SGCZ: variants seen among roughly 807,000 people sequenced by gnomAD.
The protein encoded by SGCZ is zeta-sarcoglycan.
A neutral mutation model predicts 41.3 loss-of-function variants in SGCZ; 40 were observed. That is an observed-to-expected ratio of 0.97 (90% CI 0.75 to 1.26). The LOEUF is 1.26. SGCZ is among the 50% of genes most tolerant of loss of function. The pLI is 0.00. For missense variants in SGCZ, 552 were observed against 369.8 expected (o/e 1.49, Z -4.04); for synonymous variants, 206 against 137.5 (o/e 1.50, Z -3.49).
intron 2 of SGCZ, among the ~76,000 whole-genome samples, chr8:14,412,161 T>C (rs1799378007): frequency 6.6e-6 from 1 of 152,106 alleles, no homozygotes; most frequent in African/African-American, 2.4e-5. Flanking sequence ...AATAGTAATG[T>C]AAAGATAACT....
At chr8:14,188,864 T>A (rs1286444555) in intron 4 of SGCZ, among the ~76,000 whole-genome samples, 18 of 149,484 alleles carry the variant, frequency 1.2e-4, no homozygotes, top group Non-Finnish European at 2.5e-4. Context: ...GGAGTTTCGC[T>A]CTTGTTGCCC....
At chr8:14,695,645 T>A (rs148439948) in intron 1 of SGCZ, among the ~76,000 whole-genome samples, 1 of 152,048 alleles carries the variant, frequency 6.6e-6, no homozygotes, top group Non-Finnish European at 1.5e-5. Context: ...GGTGTGGAAC[T>A]ATAAAACCTA....
At chr8:14,994,585 CAAAAA>C (rs72144514) in intron 1 of SGCZ, among the ~76,000 whole-genome samples, 1 of 127,676 alleles carries the variant, frequency 7.8e-6, no homozygotes, top group Admixed American at 8.2e-5. Flanking sequence ...ACTGTGCATC[CAAAAA>C]AAAAAAAAAG....
At chr8:14,698,993 C>A (rs1320032134) in intron 1 of SGCZ, among the ~76,000 whole-genome samples, 1 of 151,684 alleles carries the variant, frequency 6.6e-6, no homozygotes, top group Non-Finnish European at 1.5e-5. Flanking sequence ...CGGTAATAAA[C>A]TATGATAAAA....
intron 2 of SGCZ, among the ~76,000 whole-genome samples, chr8:14,350,446 G>A (rs1803047769): frequency 6.6e-6 from 1 of 152,102 alleles, no homozygotes; most frequent in South Asian, 2.1e-4. Flanking sequence ...TGCTACTGAA[G>A]CATTCATTTC....
At chr8:14,574,915 C>A (rs188486297) in intron 1 of SGCZ, among the ~76,000 whole-genome samples, 1 of 152,152 alleles carries the variant, frequency 6.6e-6, no homozygotes, top group Admixed American at 6.5e-5. Flanking sequence ...AAAATAACTT[C>A]TTGAAAGTGA....
At chr8:14,262,706 C>T (rs141919685) in intron 3 of SGCZ, among the ~76,000 whole-genome samples, 30 of 150,448 alleles carry the variant, frequency 2.0e-4, no homozygotes, top group African/African-American at 7.3e-4. Flanking sequence ...ATAAATAATA[C>T]AAAAATCATC....
At chr8:14,744,454 A>C (rs1202734464) in intron 1 of SGCZ, among the ~76,000 whole-genome samples, 2 of 152,100 alleles carry the variant, frequency 1.3e-5, no homozygotes, top group East Asian at 1.9e-4. Flanking sequence ...TGTCATTTGG[A>C]GAAATGCATC....
At chr8:14,596,814 G>A (rs185881755) in intron 1 of SGCZ, among the ~76,000 whole-genome samples, 1 of 152,046 alleles carries the variant, frequency 6.6e-6, no homozygotes, top group Admixed American at 6.6e-5. Flanking sequence ...TTTTGCACAT[G>A]TATCCTGGAA....
chr8:14,120,448 C>T (rs1044720369), intron 5 of SGCZ, among the ~76,000 whole-genome samples: 1 of 152,044 alleles, frequency 6.6e-6, no homozygotes, highest in Non-Finnish European at 1.5e-5. Context: ...CATTTAGGAA[C>T]AGGGATATTT....
At chr8:14,554,623 A>G in intron 2 of SGCZ, 109 bp downstream of exon 2, 1 of 899,420 alleles carries the variant, frequency 1.1e-6, no homozygotes, top group Non-Finnish European at 1.6e-6. Flanking sequence ...TTAAAAACAC[A>G]CACTTGTAAA....
intron 1 of SGCZ, among the ~76,000 whole-genome samples, chr8:14,965,619 ATT>A (rs939613523): frequency 6.6e-6 from 1 of 152,210 alleles, no homozygotes; most frequent in Non-Finnish European, 1.5e-5. Context: ...AATTTAAAGC[ATT>A]ACAGTCTTAA....
chr8:14,237,504 ACAACG>A (rs1806806639), intron 4 of SGCZ, 83 bp downstream of exon 4: 163 of 1,231,916 alleles, frequency 1.3e-4, no homozygotes, highest in Non-Finnish European at 1.8e-4. Context: ...AACAACAACA[ACAACG>A]ACAACAACAA....
chr8:15,170,120 GTAAT>G lies in SGCZ; in HGVS notation c.39+67461_39+67464del, dbSNP rs1457045500. Among the ~76,000 whole-genome samples, 4 of 140,106 alleles carry G rather than the reference GTAAT, an allele frequency of 2.9e-5. No homozygotes were observed. The East Asian group carries it at 8.7e-4, about 30-fold the overall frequency. 91.9% of individuals were successfully genotyped at this position (140,106 alleles called of 152,430 possible). A position where few individuals can be genotyped will look rare whatever the true frequency, so the allele number is the denominator to read the frequency against. On this transcript the variant is annotated intron_variant, in intron 1 of 7. Transcript: ENST00000382080. The stretch of plus-strand genomic sequence containing the variant: ...TTTCTGTCAATATGATAGATGATCA[GTAAT>G]TAAATTTTTTTCCATGTGCAGACTG...
At chr8:14,643,719 A>G (rs1807108890) in intron 1 of SGCZ, among the ~76,000 whole-genome samples, 1 of 151,766 alleles carries the variant, frequency 6.6e-6, no homozygotes. Context: ...GCTTGGAAAT[A>G]TCTGAAAGAT....
chr8:14,311,270 AAAG>A (rs997297374), intron 3 of SGCZ, among the ~76,000 whole-genome samples: 90 of 152,234 alleles, frequency 5.9e-4, no homozygotes, highest in African/African-American at 2.1e-3. Flanking sequence ...CCTGACTTCT[AAAG>A]AAGAGTAACT....
chr8:15,075,798 T>A (rs1260958953), intron 1 of SGCZ, among the ~76,000 whole-genome samples: 2 of 152,198 alleles, frequency 1.3e-5, no homozygotes, highest in Non-Finnish European at 2.9e-5. Context: ...ATTTGAGACA[T>A]TTTTCTGCTA....
At chr8:14,368,675 A>C (rs1803801700) in intron 2 of SGCZ, among the ~76,000 whole-genome samples, 1 of 151,610 alleles carries the variant, frequency 6.6e-6, no homozygotes, top group South Asian at 2.1e-4. Flanking sequence ...GAGACATTGC[A>C]TTCCTTATGA....
chr8:14,131,225 A>C (rs892667398), intron 5 of SGCZ, among the ~76,000 whole-genome samples: 1 of 152,162 alleles, frequency 6.6e-6, no homozygotes, highest in Admixed American at 6.5e-5. Context: ...TTGATGGAGT[A>C]CAGAAATCCA....
Sources: gnomAD v4.1 joint callset for allele counts (sites outside exome capture counted in the v4.1 genomes callset) on GRCh38, gnomAD v4.1.1 for gene constraint, MANE v1.5 for transcripts, NCBI Gene and HGNC (gene_info 2026-07-23, HGNC 2026-07-21) for gene names.